PPP3CA: variants seen among roughly 807,000 people sequenced by gnomAD.
PPP3CA encodes CAM-PRP catalytic subunit.
In PPP3CA, 14 loss-of-function variants were observed where a neutral mutation model predicts 66.5. That is an observed-to-expected ratio of 0.21 (90% CI 0.14 to 0.33). The LOEUF is 0.33. Among genes scored for constraint, PPP3CA ranks in the 10% least tolerant of loss-of-function variants. The pLI is 1.00. For synonymous variants in PPP3CA, 232 were observed against 226.2 expected (o/e 1.03, Z -0.23); for missense variants, 317 against 639.5 (o/e 0.50, Z 5.44).
chr4:101,086,283 G>C (rs1001390632), intron 6 of PPP3CA, among the ~76,000 whole-genome samples: 2 of 152,086 alleles, frequency 1.3e-5, no homozygotes, highest in African/African-American at 4.8e-5. Context: ...AAAGGGGTTA[G>C]AATTCTGCTC....
At chr4:101,246,563 C>A (rs1194805582) in intron 1 of PPP3CA, among the ~76,000 whole-genome samples, 1 of 152,118 alleles carries the variant, frequency 6.6e-6, no homozygotes, top group African/African-American at 2.4e-5. Context: ...AAACAAATTA[C>A]AAGCTATATA....
At chr4:101,299,008 T>C (rs1307633971) in intron 1 of PPP3CA, among the ~76,000 whole-genome samples, 1 of 151,970 alleles carries the variant, frequency 6.6e-6, no homozygotes, top group African/African-American at 2.4e-5. Context: ...TATGTATATA[T>C]TATTTCCCCA....
chr4:101,119,593 A>C (rs1253556839), intron 2 of PPP3CA, among the ~76,000 whole-genome samples: 1 of 152,124 alleles, frequency 6.6e-6, no homozygotes, highest in Non-Finnish European at 1.5e-5. Flanking sequence ...ACATAGGGAA[A>C]AAAAGAAAAT....
chr4:101,284,147 C>T (rs1727765072), intron 1 of PPP3CA, among the ~76,000 whole-genome samples: 1 of 152,092 alleles, frequency 6.6e-6, no homozygotes, highest in African/African-American at 2.4e-5. Context: ...TCGTAAACTG[C>T]TAGAATCAGG....
At chr4:101,222,221 T>C (rs1725647858) in intron 1 of PPP3CA, among the ~76,000 whole-genome samples, 1 of 151,662 alleles carries the variant, frequency 6.6e-6, no homozygotes, top group Non-Finnish European at 1.5e-5. Flanking sequence ...TTTGCCCTTA[T>C]GACAAACACA....
chr4:101,214,090 A>C (rs1725386465), intron 1 of PPP3CA, among the ~76,000 whole-genome samples: 1 of 152,122 alleles, frequency 6.6e-6, no homozygotes, highest in Admixed American at 6.6e-5. Flanking sequence ...TGTTTACTCA[A>C]GTTAATTACA....
chr4:101,253,465 C>A (rs905411844), intron 1 of PPP3CA, among the ~76,000 whole-genome samples: 1 of 152,070 alleles, frequency 6.6e-6, no homozygotes, highest in Non-Finnish European at 1.5e-5. Flanking sequence ...AATACATATA[C>A]CAAGCACCTT....
At chr4:101,145,384 A>C (rs1196640164) in intron 2 of PPP3CA, among the ~76,000 whole-genome samples, 2 of 152,194 alleles carry the variant, frequency 1.3e-5, no homozygotes, top group African/African-American at 4.8e-5. Context: ...CTAAGTGTCC[A>C]TCAACAGATG....
At chr4:101,321,088 T>G (rs1017437463) in intron 1 of PPP3CA, among the ~76,000 whole-genome samples, 2 of 152,198 alleles carry the variant, frequency 1.3e-5, no homozygotes, top group Non-Finnish European at 2.9e-5. Flanking sequence ...TTGGCAGGAT[T>G]TAAGCTATTT....
chr4:101,131,264 A>ATAAG (rs1425229256), intron 2 of PPP3CA, among the ~76,000 whole-genome samples: 1 of 150,108 alleles, frequency 6.7e-6, no homozygotes, highest in African/African-American at 2.4e-5. Context: ...AAATAAATAA[A>ATAAG]TAAATAAATA....
chr4:101,028,859 G>A (rs983630270), intron 13 of PPP3CA, among the ~76,000 whole-genome samples: 3 of 152,192 alleles, frequency 2.0e-5, no homozygotes, highest in African/African-American at 7.2e-5. Flanking sequence ...TGTTTTATAA[G>A]CTACTGGTCA....
At chr4:101,156,206 A>G (rs1723313658) in intron 2 of PPP3CA, among the ~76,000 whole-genome samples, 1 of 152,220 alleles carries the variant, frequency 6.6e-6, no homozygotes, top group Non-Finnish European at 1.5e-5. Flanking sequence ...CAGTGAGTCA[A>G]TCCCTCACTC....
chr4:101,260,492 C>T (rs1419696939), intron 1 of PPP3CA, among the ~76,000 whole-genome samples: 1 of 152,052 alleles, frequency 6.6e-6, no homozygotes. Context: ...CATTCTAGTC[C>T]ATATGGAAAT....
At chr4:101,085,125 T>C (rs965396663) in intron 6 of PPP3CA, among the ~76,000 whole-genome samples, 3 of 152,244 alleles carry the variant, frequency 2.0e-5, no homozygotes, top group African/African-American at 7.2e-5. Context: ...TGGTATATAT[T>C]AGCTATAAAA....
At chr4:101,307,845 A>T (rs1245726046) in intron 1 of PPP3CA, among the ~76,000 whole-genome samples, 1 of 152,226 alleles carries the variant, frequency 6.6e-6, no homozygotes, top group African/African-American at 2.4e-5. Flanking sequence ...TTTTAAGGAC[A>T]AACTTCTCTT....
At chr4:101,087,613 T>C (rs1184396944) in intron 6 of PPP3CA, among the ~76,000 whole-genome samples, 1 of 152,172 alleles carries the variant, frequency 6.6e-6, no homozygotes, top group Non-Finnish European at 1.5e-5. Flanking sequence ...TCATTATGCT[T>C]GGGATCTTCA....
intron 1 of PPP3CA, among the ~76,000 whole-genome samples, chr4:101,228,023 A>G (rs1725838840): frequency 6.6e-6 from 1 of 151,638 alleles, no homozygotes. Context: ...GGCCTTTTAA[A>G]GGGGATTCTC....
At chr4:101,281,169 C>T (rs948467020) in intron 1 of PPP3CA, among the ~76,000 whole-genome samples, 2 of 152,148 alleles carry the variant, frequency 1.3e-5, no homozygotes, top group Non-Finnish European at 2.9e-5. Context: ...CAAAAGAAGG[C>T]TCTGAAGCAG....
intron 1 of PPP3CA, among the ~76,000 whole-genome samples, chr4:101,317,715 G>C (rs989582721): frequency 6.6e-6 from 1 of 152,090 alleles, no homozygotes; most frequent in Non-Finnish European, 1.5e-5. Flanking sequence ...TGTGGACTTG[G>C]TCTACTTGAT....
Sources: gnomAD v4.1 joint callset for allele counts (sites outside exome capture counted in the v4.1 genomes callset) on GRCh38, gnomAD v4.1.1 for gene constraint, MANE v1.5 for transcripts, NCBI Gene and HGNC (gene_info 2026-07-23, HGNC 2026-07-21) for gene names.